The following FAM135B variants were observed in gnomAD, a reference collection of about 807,000 sequenced individuals.
FAM135B encodes the protein family with sequence similarity 135 member B.
FAM135B carries 43 observed loss-of-function variants against 127.7 expected under a neutral mutation model. The ratio of observed to expected loss-of-function variants is 0.34; its 90% CI spans 0.26 to 0.43. The LOEUF is 0.43. Ranked by LOEUF, FAM135B falls within the 20% of genes least tolerant of loss-of-function variation. FAM135B has a pLI of 1.00. For synonymous variants in FAM135B, 670 were observed against 665.1 expected, an observed-to-expected ratio of 1.01 and a Z score of -0.11; for missense variants, 1,558 against 1,725.6, an observed-to-expected ratio of 0.90 and a Z score of 1.72.
chr8:138,140,637 C>A (rs566334762), intron 17 of FAM135B, among the ~76,000 whole-genome samples: 6 of 123,506 alleles, frequency 4.9e-5, no homozygotes, highest in African/African-American at 1.6e-4. Context: ...TAATCTTCAA[C>A]AATTCTATGA....
chr8:138,160,352 C>A (rs1819241600), intron 12 of FAM135B, among the ~76,000 whole-genome samples: 1 of 151,936 alleles, frequency 6.6e-6, no homozygotes. Context: ...GGCCTGGGAA[C>A]CCCTGAGCTG....
At chr8:138,328,825 T>C (rs905022997) in intron 2 of FAM135B, among the ~76,000 whole-genome samples, 2 of 152,090 alleles carry the variant, frequency 1.3e-5, no homozygotes, top group African/African-American at 4.8e-5. Flanking sequence ...ATTCATAAGG[T>C]TGAGTGAGGG....
intron 4 of FAM135B, among the ~76,000 whole-genome samples, chr8:138,259,141 C>T (rs1822348257): frequency 6.6e-6 from 1 of 152,182 alleles, no homozygotes; most frequent in South Asian, 2.1e-4. Context: ...AGTCCCACAT[C>T]CCAAATGCTG....
At chr8:138,402,945 G>A (rs996429) in intron 1 of FAM135B, among the ~76,000 whole-genome samples, 73,663 of 151,812 alleles carry the variant, frequency 0.49, 18,578 homozygotes, top group African/African-American at 0.61. Context: ...TACAAGAAGA[G>A]ACATGAAAGA....
At chr8:138,189,518 C>T (rs749920001) in intron 9 of FAM135B, among the ~76,000 whole-genome samples, 13 of 152,332 alleles carry the variant, frequency 8.5e-5, no homozygotes, top group East Asian at 5.8e-4. Context: ...TTAAGCCATC[C>T]GCACATGGCA....
intron 3 of FAM135B, among the ~76,000 whole-genome samples, chr8:138,301,129 CTG>C (rs112237933): frequency 0.067 from 10,217 of 152,210 alleles, 717 homozygotes; most frequent in East Asian, 0.24. Context: ...CCATGGGATT[CTG>C]TGAGTCAGGA....
At chr8:138,260,292 G>A (rs1038427155) in intron 4 of FAM135B, among the ~76,000 whole-genome samples, 1 of 152,170 alleles carries the variant, frequency 6.6e-6, no homozygotes, top group African/African-American at 2.4e-5. Flanking sequence ...ACTGTTTACA[G>A]AACTCAGCTT....
chr8:138,280,288 G>A (rs1464818663), intron 3 of FAM135B, among the ~76,000 whole-genome samples: 1 of 152,172 alleles, frequency 6.6e-6, no homozygotes, highest in African/African-American at 2.4e-5. Flanking sequence ...TAGCCCGTTG[G>A]CTCTAGTATC....
intron 3 of FAM135B, among the ~76,000 whole-genome samples, chr8:138,308,613 T>C (rs1222337631): frequency 7.2e-6 from 1 of 139,822 alleles, no homozygotes; most frequent in African/African-American, 2.7e-5. Flanking sequence ...TGTTAAACTA[T>C]ACTAGAAAAG....
Position 138,282,232 on chromosome 8 carries a change from T to G in FAM135B, c.158-16390A>C, listed in dbSNP as rs1299187765. 2.6e-5 allele frequency among the ~76,000 whole-genome samples: 4 copies of G among 152,244 alleles called. No individual in the cohort carries two copies. In the East Asian group the frequency reaches 7.7e-4, roughly 29 times the overall value. ...AGTAATCTACCATCCCAGAAGATAA[T>G]ACAGAGAAATATTTAGATTTCCTTG... On this transcript the variant is annotated intron_variant, in intron 3 of 19. Coordinates refer to ENST00000395297, the MANE Select transcript of FAM135B (RefSeq NM_015912.4).
chr8:138,475,260 C>A (rs1814353509), intron 1 of FAM135B, among the ~76,000 whole-genome samples: 1 of 152,102 alleles, frequency 6.6e-6, no homozygotes, highest in African/African-American at 2.4e-5. Flanking sequence ...GTTTTCACAC[C>A]ACCCACAATT....
intron 11 of FAM135B, among the ~76,000 whole-genome samples, chr8:138,176,680 A>G (rs964808162): frequency 6.6e-6 from 1 of 152,156 alleles, no homozygotes; most frequent in African/African-American, 2.4e-5. Context: ...TTCTCCTTCT[A>G]TTTTTGCTAT....
At chr8:138,298,352 T>A (rs1391087668) in intron 3 of FAM135B, among the ~76,000 whole-genome samples, 2 of 152,170 alleles carry the variant, frequency 1.3e-5, no homozygotes, top group East Asian at 3.9e-4. Context: ...ACAGACAATC[T>A]ATTCAAAGAA....
At chr8:138,193,964 G>A (rs1265336376) in intron 9 of FAM135B, among the ~76,000 whole-genome samples, 1 of 152,152 alleles carries the variant, frequency 6.6e-6, no homozygotes, top group Non-Finnish European at 1.5e-5. Context: ...CTCACTCGGG[G>A]AAGGATGAGA....
intron 9 of FAM135B, among the ~76,000 whole-genome samples, chr8:138,190,438 A>C (rs1221452219): frequency 1.3e-5 from 2 of 152,174 alleles, no homozygotes; most frequent in African/African-American, 4.8e-5. Context: ...GACTGACAAA[A>C]CAGACTCCTT....
intron 7 of FAM135B, among the ~76,000 whole-genome samples, chr8:138,233,972 A>T (rs1302541153): frequency 6.6e-6 from 1 of 152,326 alleles, no homozygotes; most frequent in South Asian, 2.1e-4. Context: ...CAAATAAAAA[A>T]CAAAATGAGA....
At chr8:138,289,865 A>C (rs1466513022) in intron 3 of FAM135B, among the ~76,000 whole-genome samples, 6 of 152,190 alleles carry the variant, frequency 3.9e-5, no homozygotes, top group East Asian at 1.9e-4. Flanking sequence ...TTTAGTGATT[A>C]AGGTGCATCC....
chr8:138,260,719 G>A (rs533708391), intron 4 of FAM135B, among the ~76,000 whole-genome samples: 1 of 152,060 alleles, frequency 6.6e-6, no homozygotes, highest in South Asian at 2.1e-4. Flanking sequence ...ACACAGTTAC[G>A]ACCTCTGCCA....
At chr8:138,276,085 G>C (rs1258270179) in intron 3 of FAM135B, among the ~76,000 whole-genome samples, 1 of 152,128 alleles carries the variant, frequency 6.6e-6, no homozygotes, top group Non-Finnish European at 1.5e-5. Context: ...CAGCACAAAG[G>C]ATGCCCAGAA....
Sources: gnomAD v4.1 joint callset for allele counts (sites outside exome capture counted in the v4.1 genomes callset) on GRCh38, gnomAD v4.1.1 for gene constraint, MANE v1.5 for transcripts, NCBI Gene and HGNC (gene_info 2026-07-23, HGNC 2026-07-21) for gene names.